The following AQP3 variants were observed in gnomAD, a reference collection of about 807,000 sequenced individuals.
AQP3 encodes aquaporin 3 (Gill blood group), also known as aquaporin-3.
Under a neutral mutation model 30.3 loss-of-function variants are expected in AQP3, and 15 were observed. The observed-to-expected ratio is 0.49, with a 90% CI of 0.33 to 0.76. The LOEUF (loss-of-function observed/expected upper bound fraction) is 0.76. AQP3 is among the 30% of genes least tolerant of loss of function. The pLI is 0.02. For synonymous variants in AQP3, 153 were observed against 163.2 expected (o/e 0.94, Z 0.47); for missense variants, 272 against 384.8 (o/e 0.71, Z 2.45).
chr9:33,443,522 C>A lies in AQP3; in HGVS notation c.236-64G>T. On this transcript the variant is annotated intron_variant, in intron 2 of 5. Coordinates refer to ENST00000297991, the MANE Select transcript of AQP3 (RefSeq NM_004925.5). This position sits in a 1 kb window ranked among gnomAD's most constrained non-coding sequence, Gnocchi z 5.0. ...GCCACAGTCGGCAGGCTAGGGTCCCCTGAGAAGGGGTGCAGAGAGGGGTTT... is the reference window on the plus strand; with the variant it reads ...GCCACAGTCGGCAGGCTAGGGTCCCATGAGAAGGGGTGCAGAGAGGGGTTT... 1.3e-6 allele frequency: 2 copies of A among 1,579,642 alleles called. No individual in the cohort carries two copies. Among genetic ancestry groups the A allele is most frequent in the Non-Finnish European group, 1.7e-6 (2 of 1,161,806 alleles).
chr9:33,442,945 G>T lies in AQP3; in HGVS notation c.399C>A (p.Asn133Lys), dbSNP rs372392094. The T allele has an allele frequency of 6.2e-7, 1 of 1,614,226 alleles. No individual in the cohort carries two copies. The highest frequency in any genetic ancestry group is 2.2e-5 in the East Asian group (1 of 44,882). ...CATTGGGGCCCGAAACAAAAAGCTGGTTGTCGGCGAAGTGCCAGATTGCAT... is the reference window on the plus strand; with the variant it reads ...CATTGGGGCCCGAAACAAAAAGCTGTTTGTCGGCGAAGTGCCAGATTGCAT... Reference protein sequence around the residue: ...YYDAIWHFADNQLFVSGPNGT... With the variant: ...YYDAIWHFADKQLFVSGPNGT... Residue 133 changes from asparagine to lysine, a missense_variant, in exon 4 of 6, where the codon AAC (asparagine) becomes AAA (lysine). Transcript: ENST00000297991.
Position 33,443,853 on chromosome 9 carries a change from G to A in AQP3, c.148C>T (p.Arg50Trp), listed in dbSNP as rs749513194. The A allele has an allele frequency of 6.8e-6, 11 of 1,613,876 alleles. No individual in the cohort carries two copies. The highest frequency in any genetic ancestry group is 4.0e-5 in the African/African-American group (3 of 74,904). ...CGSVAQVVLS[R>W]GTHGGFLTIN... ...GTGAGGAAACCACCGTGGGTGCCCC[G>A]GCTGAGCACAACCTGGGCCACGGAG... Residue 50 changes from arginine (R) to tryptophan (W), a missense_variant, in exon 2 of 6, where the codon CGG (arginine) becomes TGG (tryptophan). Coordinates refer to ENST00000297991, the MANE Select transcript of AQP3 (RefSeq NM_004925.5). This position sits in a 1 kb window ranked among gnomAD's most constrained non-coding sequence, Gnocchi z 5.0.
Position 33,442,041 on chromosome 9 carries a change from A to T in AQP3, c.*2T>A, listed in dbSNP as rs1314138056. 3 of 1,613,086 alleles carry T rather than the reference A, an allele frequency of 1.9e-6. No homozygotes were observed. The highest frequency in any genetic ancestry group is 2.2e-5 in the East Asian group (1 of 44,852). Reference sequence around the variant, plus strand: ...CGGAGTGGGGAGATGGCCCCTGCCCACTCAGATCTGCTCCTTGTGCTTCAC... The same window carrying T: ...CGGAGTGGGGAGATGGCCCCTGCCCTCTCAGATCTGCTCCTTGTGCTTCAC... On this transcript the variant is annotated 3_prime_UTR_variant, in exon 6 of 6. Coordinates refer to ENST00000297991, the MANE Select transcript of AQP3 (RefSeq NM_004925.5).
Position 33,442,455 on chromosome 9 carries a change from C to T in AQP3, c.556G>A (p.Val186Ile), listed in dbSNP as rs760141667. ...LAIVDPYNNP[V>I]PRGLEAFTVG... is the part of the protein sequence containing the mutation. ...GTGAAGGCCTCCAGGCCTCGGGGGACGGGGTTGTTGTAGGGGTCAACAATG... is the reference window on the plus strand; with the variant it reads ...GTGAAGGCCTCCAGGCCTCGGGGGATGGGGTTGTTGTAGGGGTCAACAATG... Residue 186 changes from valine to isoleucine, a missense_variant, in exon 5 of 6, where the codon GTC (valine) becomes ATC (isoleucine). Val to Ile is a conservative substitution (Grantham distance 29). This residue lies in a region of AQP3 where 170 missense variants were observed against 286.4 expected (regional missense o/e 0.59). Coordinates refer to ENST00000297991, the MANE Select transcript of AQP3 (RefSeq NM_004925.5). 8.6e-5 allele frequency: 138 copies of T among 1,611,574 alleles called. No individual in the cohort carries two copies. Among genetic ancestry groups the T allele is most frequent in the East Asian group, 2.0e-4 (9 of 44,778 alleles).
Position 33,443,241 on chromosome 9 carries a change from G to A in AQP3, c.373+80C>T. On this transcript the variant is annotated intron_variant, in intron 3 of 5. Coordinates refer to ENST00000297991, the MANE Select transcript of AQP3 (RefSeq NM_004925.5). This position sits in a 1 kb window ranked among gnomAD's most constrained non-coding sequence, Gnocchi z 5.0. ...GGGCCTGGGCAGGTCCTAGCCGTCTGTCATCAAAAGGCCTGGTGCCAGCAG... is the reference window on the plus strand; with the variant it reads ...GGGCCTGGGCAGGTCCTAGCCGTCTATCATCAAAAGGCCTGGTGCCAGCAG... The A allele has an allele frequency of 6.5e-7, 1 of 1,537,638 alleles. No homozygotes were observed. The highest frequency in any genetic ancestry group is 1.4e-5 in the African/African-American group (1 of 72,892).
rs1444491587 is a variant in AQP3 at position 33,443,691 on chromosome 9, G to A, written c.235+75C>T. The A allele has an allele frequency of 3.1e-6, 5 of 1,604,504 alleles. No individual in the cohort carries two copies. The highest frequency in any genetic ancestry group is 4.3e-6 in the Non-Finnish European group (5 of 1,172,902). On this transcript the variant is annotated intron_variant, in intron 2 of 5. Coordinates refer to ENST00000297991, the MANE Select transcript of AQP3 (RefSeq NM_004925.5). The surrounding 1 kb of genome is among the most constrained non-coding windows in gnomAD (Gnocchi z 5.0). ...AAAGCAGAGGCCACAGCTGTGACCTGCCCTTAGGAATGCCAGGACACCTAG... is the reference window on the plus strand; with the variant it reads ...AAAGCAGAGGCCACAGCTGTGACCTACCCTTAGGAATGCCAGGACACCTAG...
intron 1 of AQP3, among the ~76,000 whole-genome samples, chr9:33,446,547 C>T (rs1826916240): frequency 6.6e-6 from 1 of 152,150 alleles, no homozygotes; most frequent in Non-Finnish European, 1.5e-5. Flanking sequence ...GGAAATAGAA[C>T]ATAACTGGTG....
chr9:33,445,820 T>G (rs1826906000), intron 1 of AQP3, among the ~76,000 whole-genome samples: 3 of 152,190 alleles, frequency 2.0e-5, no homozygotes, highest in South Asian at 4.1e-4. Context: ...AACACGCAGG[T>G]AGGCAGGCAG....
At position 33,443,506 on chromosome 9, in the gene AQP3, G is replaced by A. The variant is rs370209890; in HGVS notation, c.236-48C>T. On this transcript the variant is annotated intron_variant, in intron 2 of 5. Coordinates refer to ENST00000297991, the MANE Select transcript of AQP3 (RefSeq NM_004925.5). The surrounding 1 kb of genome is among the most constrained non-coding windows in gnomAD (Gnocchi z 5.0). ...CTATTAGCTGCAGCCTGCCACAGTC[G>A]GCAGGCTAGGGTCCCCTGAGAAGGG... 521 of 1,594,356 alleles carry A rather than the reference G, an allele frequency of 3.3e-4. 7 individuals carry two copies. The South Asian group carries it at 5.3e-3, about 16-fold the overall frequency.
In AQP3 at chr9:33,443,434, G is replaced by A. The variant is rs1264388787; in HGVS notation, c.260C>T (p.Thr87Ile). 6.2e-7 allele frequency: 1 copy of A among 1,612,152 alleles called. No individual in the cohort carries two copies. Among genetic ancestry groups the A allele is most frequent in the South Asian group, 1.1e-5 (1 of 90,434 alleles). The stretch of plus-strand genomic sequence containing the variant: ...ACGAGCCAGGAAGCACATGGCAAAG[G>A]TCACGGCAGGGTTCAGGTGGGCCCC... ...VSGAHLNPAV[T>I]FAMCFLAREP... The change falls in exon 3 of 6, where the codon ACC becomes ATC. Residue 87 changes from threonine (T) to isoleucine (I), a missense_variant. This residue lies in a region of AQP3 where 170 missense variants were observed against 286.4 expected (regional missense o/e 0.59). Transcript: ENST00000297991. The surrounding 1 kb of genome is among the most constrained non-coding windows in gnomAD (Gnocchi z 5.0).
chr9:33,442,809 C>G lies in AQP3; in HGVS notation c.492+43G>C, dbSNP rs200617012. On this transcript the variant is annotated intron_variant, in intron 4 of 5. Transcript: ENST00000297991. The stretch of plus-strand genomic sequence containing the variant: ...CAGCCCATGAGCTACCAAGGCAACT[C>G]GGTCCCCTCCCTGCGTTCCCCTCAC... The G allele has an allele frequency of 1.9e-6, 3 of 1,576,136 alleles. No individual in the cohort carries two copies. The Admixed American group carries it at 5.0e-5, about 26-fold the overall frequency.
chr9:33,447,272 G>T, intron 1 of AQP3, 151 bp downstream of exon 1: 1 of 726,060 alleles, frequency 1.4e-6, no homozygotes, highest in South Asian at 1.6e-5. Context: ...GACTTTGGAA[G>T]TCAGCTTGAT....
Position 33,443,543 on chromosome 9 carries a change from G to A in AQP3, c.236-85C>T. On this transcript the variant is annotated intron_variant, in intron 2 of 5. Transcript: ENST00000297991. The surrounding 1 kb of genome is among the most constrained non-coding windows in gnomAD (Gnocchi z 5.0). Reference sequence around the variant, plus strand: ...TCCCCTGAGAAGGGGTGCAGAGAGGGGTTTCTTGCACAGGATGGCGGTTGG... The same window carrying A: ...TCCCCTGAGAAGGGGTGCAGAGAGGAGTTTCTTGCACAGGATGGCGGTTGG... The A allele has an allele frequency of 6.5e-7, 1 of 1,536,844 alleles. No individual in the cohort carries two copies. The highest frequency in any genetic ancestry group is 8.8e-7 in the Non-Finnish European group (1 of 1,130,668).
In AQP3 at chr9:33,443,664, C is replaced by T; in HGVS notation, c.235+102G>A. On this transcript the variant is annotated intron_variant, in intron 2 of 5. Transcript: ENST00000297991. The surrounding 1 kb of genome is among the most constrained non-coding windows in gnomAD (Gnocchi z 5.0). ...TTCTCCACCCTCCTTTCCCAAGGGG[C>T]CAAAGCAGAGGCCACAGCTGTGACC... 6.3e-7 allele frequency: 1 copy of T among 1,578,484 alleles called. No homozygotes were observed. Among genetic ancestry groups the T allele is most frequent in the Non-Finnish European group, 8.7e-7 (1 of 1,152,334 alleles).
At position 33,441,912 on chromosome 9, in the gene AQP3, G is replaced by C; in HGVS notation, c.*131C>G. On this transcript the variant is annotated 3_prime_UTR_variant, in exon 6 of 6. Coordinates refer to ENST00000297991, the MANE Select transcript of AQP3 (RefSeq NM_004925.5). ...AAATCCTGAAGGGGCTGTCTCGTGG[G>C]GTGAGGGTAGATAGGGAGCTCCTTA... 1.4e-6 allele frequency: 2 copies of C among 1,390,564 alleles called. No homozygotes were observed. The highest frequency in any genetic ancestry group is 2.0e-6 in the Non-Finnish European group (2 of 1,018,668). The allele number at this position is 1,390,564 out of a possible 1,614,324, so 86.1% of individuals were successfully genotyped here. A position where few individuals can be genotyped will look rare whatever the true frequency, so the allele number is the denominator to read the frequency against.
chr9:33,442,252 G>A lies in AQP3; in HGVS notation c.711-41C>T, dbSNP rs775176844. 6 of 1,611,762 alleles carry A rather than the reference G, an allele frequency of 3.7e-6. No homozygotes were observed. In the East Asian group the frequency reaches 1.1e-4, roughly 30 times the overall value. ...CTCATAGTCAGGGACATGGGGGGCA[G>A]GGCAGAGGAGAGGCAGGCTGGGGTG... On this transcript the variant is annotated intron_variant, in intron 5 of 5. Coordinates refer to ENST00000297991, the MANE Select transcript of AQP3 (RefSeq NM_004925.5).
At position 33,443,708 on chromosome 9, in the gene AQP3, G is replaced by A. The variant is rs1321066617; in HGVS notation, c.235+58C>T. The A allele has an allele frequency of 6.2e-7, 1 of 1,611,770 alleles. No individual in the cohort carries two copies. The highest frequency in any genetic ancestry group is 1.7e-5 in the Admixed American group (1 of 60,004). On this transcript the variant is annotated intron_variant, in intron 2 of 5. Coordinates refer to ENST00000297991, the MANE Select transcript of AQP3 (RefSeq NM_004925.5). This position sits in a 1 kb window ranked among gnomAD's most constrained non-coding sequence, Gnocchi z 5.0. Reference sequence around the variant, plus strand: ...TGTGACCTGCCCTTAGGAATGCCAGGACACCTAGTGGGAATGCTATTGAGG... The same window carrying A: ...TGTGACCTGCCCTTAGGAATGCCAGAACACCTAGTGGGAATGCTATTGAGG...
Position 33,446,132 on chromosome 9 carries a change from G to T in AQP3, c.108+1291C>A, listed in dbSNP as rs34830630. On this transcript the variant is annotated intron_variant, in intron 1 of 5. Transcript: ENST00000297991. ...CTGGCTGCTCTAAAACAGGTGGCTG[G>T]ACTCAGGACTCCGATAGGAGTGAGG... Among the ~76,000 whole-genome samples the T allele has an allele frequency of 4.5e-3, 679 of 152,294 alleles. 3 individuals carry two copies. Among genetic ancestry groups the T allele is most frequent in the African/African-American group, 0.015 (629 of 41,556 alleles).
At position 33,443,178 on chromosome 9, in the gene AQP3, C is replaced by A. The variant is rs1159516571; in HGVS notation, c.373+143G>T. 1 of 1,330,824 alleles carries A rather than the reference C, an allele frequency of 7.5e-7. No individual in the cohort carries two copies. The highest frequency in any genetic ancestry group is 1.5e-5 in the African/African-American group (1 of 68,538). 82.4% of individuals were successfully genotyped at this position (1,330,824 alleles called of 1,614,324 possible). On this transcript the variant is annotated intron_variant, in intron 3 of 5. Coordinates refer to ENST00000297991, the MANE Select transcript of AQP3 (RefSeq NM_004925.5). The surrounding 1 kb of genome is among the most constrained non-coding windows in gnomAD (Gnocchi z 5.0). The stretch of plus-strand genomic sequence containing the variant: ...TGTTTCTTTCCCTTCGTGCCCCCTA[C>A]CTTGACCCTGTGCGTGAATGAGTGA...
Sources: allele counts gnomAD v4.1 joint callset (sites outside exome capture counted in the v4.1 genomes callset), GRCh38; gene constraint gnomAD v4.1.1; regional missense constraint gnomAD v4.1.1; non-coding constraint Gnocchi (gnomAD v3.1); transcripts MANE v1.5; gene names NCBI Gene and HGNC (gene_info 2026-07-23, HGNC 2026-07-21).